Variants in CHLSN observed in about 807,000 individuals in gnomAD.
CHLSN encodes cholesin.
chr7:1,079,308 G>A, the CHLSN span, among the ~76,000 whole-genome samples: 1 of 152,232 alleles, frequency 6.6e-6, no homozygotes, highest in Non-Finnish European at 1.5e-5. Flanking sequence ...CCGGCTGCTC[G>A]TCTGCTGTCC....
the CHLSN span, among the ~76,000 whole-genome samples, chr7:1,031,327 C>T: frequency 1.3e-4 from 20 of 151,886 alleles, no homozygotes; most frequent in South Asian, 4.1e-4. Flanking sequence ...AGGAAATCAG[C>T]GAAACAGCAC....
chr7:1,116,667 T>C, the CHLSN span, among the ~76,000 whole-genome samples: 113 of 16,902 alleles, frequency 6.7e-3, 3 homozygotes, highest in Admixed American at 8.4e-3. Context: ...ATCACCGACG[T>C]CCACGCAGGA....
the CHLSN span, among the ~76,000 whole-genome samples, chr7:1,136,519 A>T: frequency 6.0e-5 from 6 of 99,618 alleles, no homozygotes; most frequent in African/African-American, 2.2e-4. Flanking sequence ...AACATATATA[A>T]ATATATATAA....
the CHLSN span, among the ~76,000 whole-genome samples, chr7:1,068,755 C>T: frequency 1.3e-5 from 2 of 152,186 alleles, no homozygotes; most frequent in South Asian, 2.1e-4. Flanking sequence ...TCAGTCTGCC[C>T]AGCTACTTAG....
chr7:1,008,248 T>C, the CHLSN span, among the ~76,000 whole-genome samples: 2 of 152,176 alleles, frequency 1.3e-5, no homozygotes, highest in African/African-American at 4.8e-5. Context: ...AGCCCACACC[T>C]TGCCCACACC....
the CHLSN span, chr7:1,045,739 A>G: frequency 1.3e-5 from 2 of 152,252 alleles, no homozygotes; most frequent in African/African-American, 4.8e-5. Context: ...GTCTTCCTCA[A>G]TGAAGAAGGC....
At chr7:1,089,028 A>C in the CHLSN span, among the ~76,000 whole-genome samples, 3 of 152,342 alleles carry the variant, frequency 2.0e-5, no homozygotes, top group East Asian at 5.8e-4. Flanking sequence ...TTAGGAAAGA[A>C]AATAAACGTT....
At chr7:1,093,310 G>A in the CHLSN span, 3 of 427,456 alleles carry the variant, frequency 7.0e-6, no homozygotes, top group Admixed American at 7.6e-5. Context: ...GATGCAAGGT[G>A]CTGGTGGGTC....
the CHLSN span, among the ~76,000 whole-genome samples, chr7:1,134,805 A>C: frequency 2.2e-4 from 33 of 149,308 alleles, no homozygotes; most frequent in Middle Eastern, 7.4e-3. Flanking sequence ...TGAACCTGGG[A>C]GGCGGAGCTT....
the CHLSN span, among the ~76,000 whole-genome samples, chr7:1,006,292 A>ACAGGGAAAGAGCACACGACGGCCACAGTG: frequency 6.6e-6 from 1 of 152,072 alleles, no homozygotes; most frequent in African/African-American, 2.4e-5. Context: ...CAGTCACAGC[A>ACAGGGAAAGAGCACACGACGGCCACAGTG]CAGGGAAAGA....
At chr7:994,665 C>T in the CHLSN span, among the ~76,000 whole-genome samples, 1 of 152,116 alleles carries the variant, frequency 6.6e-6, no homozygotes. Context: ...GTCTCAAACT[C>T]CTGAGCTCAA....
the CHLSN span, chr7:1,025,274 G>A: frequency 2.6e-5 from 4 of 152,312 alleles, no homozygotes; most frequent in African/African-American, 4.8e-5. Context: ...GCCTGTGCTT[G>A]GTACCTCAGG....
At chr7:1,001,731 G>C in the CHLSN span, among the ~76,000 whole-genome samples, 1 of 122,546 alleles carries the variant, frequency 8.2e-6, no homozygotes. Flanking sequence ...GTGGAGTCCT[G>C]TGGGTGGGGA....
At chr7:1,019,440 A>G in the CHLSN span, among the ~76,000 whole-genome samples, 1 of 152,208 alleles carries the variant, frequency 6.6e-6, no homozygotes, top group Admixed American at 6.5e-5. Context: ...TCTGGGCCAG[A>G]AGGAGAGGCT....
At chr7:988,372 G>C in the CHLSN span, 3 of 1,612,670 alleles carry the variant, frequency 1.9e-6, no homozygotes, top group East Asian at 2.2e-5. Context: ...TCCTGGACGC[G>C]AATGGGCACT....
At chr7:1,008,570 G>A in the CHLSN span, among the ~76,000 whole-genome samples, 66 of 152,230 alleles carry the variant, frequency 4.3e-4, no homozygotes, top group African/African-American at 1.3e-3. Flanking sequence ...TCCACCCAAC[G>A]CTATGGCTGA....
At chr7:1,069,986 C>G in the CHLSN span, among the ~76,000 whole-genome samples, 2 of 110,844 alleles carry the variant, frequency 1.8e-5, no homozygotes, top group African/African-American at 3.8e-5. Context: ...ATGTGGGGAG[C>G]GCCTCTGCCC....
the CHLSN span, among the ~76,000 whole-genome samples, chr7:1,107,579 G>C: frequency 6.6e-6 from 1 of 152,216 alleles, no homozygotes; most frequent in Non-Finnish European, 1.5e-5. Flanking sequence ...CAAAAGCTCA[G>C]TCAACAAGAC....
the CHLSN span, chr7:1,029,026 GT>G: frequency 1.3e-5 from 2 of 154,278 alleles, no homozygotes; most frequent in African/African-American, 4.8e-5. Context: ...GGCTGAATAC[GT>G]GGATGAGTCA....
Sources: allele counts gnomAD v4.1 joint callset (sites outside exome capture counted in the v4.1 genomes callset), GRCh38; gene constraint gnomAD v4.1.1; transcripts MANE v1.5; gene names NCBI Gene and HGNC (gene_info 2026-07-23, HGNC 2026-07-21).